Variants in CERS4 observed in about 807,000 individuals in gnomAD.
The protein encoded by CERS4 is ceramide synthase 4, also known as LAG1 homolog, ceramide synthase 4.
A neutral mutation model predicts 51.8 loss-of-function variants in CERS4; 65 were observed. That is an observed-to-expected ratio of 1.26 (90% CI 1.03 to 1.54). The LOEUF (loss-of-function observed/expected upper bound fraction) is 1.54, where lower values mean the gene tolerates loss of function less well. Ranked by LOEUF, CERS4 falls within the 40% of genes most tolerant of loss-of-function variation. CERS4 has a pLI of 0.00. For synonymous variants in CERS4, 228 were observed against 208.4 expected (o/e 1.09, Z -0.81); for missense variants, 563 against 500.4 (o/e 1.13, Z -1.19).
At chr19:8,224,541 G>A (rs989498154) in intron 2 of CERS4, among the ~76,000 whole-genome samples, 1 of 152,162 alleles carries the variant, frequency 6.6e-6, no homozygotes, top group African/African-American at 2.4e-5. Context: ...CTGTTGAACA[G>A]AGTCGTGAAG....
chr19:8,259,760 T>C (rs1969581373), intron 10 of CERS4, among the ~76,000 whole-genome samples: 1 of 152,004 alleles, frequency 6.6e-6, no homozygotes, highest in African/African-American at 2.4e-5. Flanking sequence ...TCTGGGCTTC[T>C]GGGGAAAGAG....
intron 2 of CERS4, 184 bp from the exon 3 acceptor site, chr19:8,250,892 G>T: frequency 7.0e-7 from 1 of 1,424,680 alleles, no homozygotes; most frequent in East Asian, 2.6e-5. Context: ...TGGCTCTTCT[G>T]GGACCAGAGG....
At chr19:8,211,550 A>G (rs1967084433) in intron 2 of CERS4, among the ~76,000 whole-genome samples, 1 of 152,242 alleles carries the variant, frequency 6.6e-6, no homozygotes, top group Non-Finnish European at 1.5e-5. Context: ...CGTGCTAAAC[A>G]GGCTATTAAA....
chr19:8,254,134 AAC>A (rs1393722096), intron 3 of CERS4, among the ~76,000 whole-genome samples: 3 of 151,624 alleles, frequency 2.0e-5, no homozygotes, highest in African/African-American at 7.3e-5. Context: ...CATCCTGGCT[AAC>A]ACAGTGAAAC....
chr19:8,233,737 G>T (rs1968117146), intron 2 of CERS4, among the ~76,000 whole-genome samples: 1 of 152,010 alleles, frequency 6.6e-6, no homozygotes, highest in Non-Finnish European at 1.5e-5. Context: ...GTGGGGCCGG[G>T]CGCGGTGGCT....
chr19:8,232,674 T>C (rs934990373), intron 2 of CERS4, among the ~76,000 whole-genome samples: 13 of 152,058 alleles, frequency 8.5e-5, no homozygotes, highest in African/African-American at 1.7e-4. Flanking sequence ...CTATTGAGTA[T>C]ACAAATGTTG....
Position 8,251,176 on chromosome 19 carries a change from C to T in CERS4, c.100C>T (p.Pro34Ser). 6.2e-7 allele frequency: 1 copy of T among 1,613,574 alleles called. No homozygotes were observed. Among genetic ancestry groups the T allele is most frequent in the South Asian group, 1.1e-5 (1 of 90,882 alleles). Residue 34 changes from proline to serine, a missense_variant, in exon 3 of 12, where the codon CCC becomes TCC. By Grantham distance (74) the Pro-to-Ser change is moderately conservative (BLOSUM62 -1). Coordinates refer to ENST00000251363, the MANE Select transcript of CERS4 (RefSeq NM_024552.3). ...AGAAGACCGGGATGGCCGTGTCTAC[C>T]CCCACCCCCAGGACTTGTTGGCAGC... ...ELEDRDGRVY[P>S]HPQDLLAALP...
chr19:8,254,656 T>TG (rs1377478050), intron 4 of CERS4, 40 bp downstream of exon 4: 6 of 1,544,478 alleles, frequency 3.9e-6, no homozygotes, highest in African/African-American at 1.4e-5. Flanking sequence ...ACTACTGCCC[T>TG]GGGGGTGGGG....
chr19:8,259,835 G>C (rs1213721129), intron 10 of CERS4, among the ~76,000 whole-genome samples: 1 of 152,130 alleles, frequency 6.6e-6, no homozygotes, highest in Non-Finnish European at 1.5e-5. Flanking sequence ...GCATCACCTA[G>C]GGACCAGGTA....
At chr19:8,242,280 G>A (rs1279467716) in intron 2 of CERS4, among the ~76,000 whole-genome samples, 3 of 152,206 alleles carry the variant, frequency 2.0e-5, no homozygotes, top group Non-Finnish European at 4.4e-5. Flanking sequence ...ACGAGACAGA[G>A]ACAGGTTGGT....
chr19:8,260,369 A>T (rs1417781063), intron 10 of CERS4, among the ~76,000 whole-genome samples: 5 of 139,070 alleles, frequency 3.6e-5, no homozygotes, highest in Non-Finnish European at 4.6e-5. Flanking sequence ...TAATTTTTGT[A>T]TTTTTTTTTT....
rs945829522 is a variant in CERS4, at chr19:8,262,279, C to G, written c.*170C>G. The G allele has an allele frequency of 4.9e-6, 3 of 610,386 alleles. No individual in the cohort carries two copies. The highest frequency in any genetic ancestry group is 7.5e-6 in the Non-Finnish European group (3 of 402,204). The allele number at this position is 610,386 out of a possible 1,614,324, so 37.8% of individuals were successfully genotyped here. On this transcript the variant is annotated 3_prime_UTR_variant, in exon 12 of 12. Coordinates refer to ENST00000251363, the MANE Select transcript of CERS4 (RefSeq NM_024552.3). ...CAGCCCCTTCCTTCTGCCCACCCAC[C>G]CTTCTTCCCTCTGGGCAACTGGACA...
rs779797612 is a variant in CERS4, at chr19:8,251,138, C to T, written c.62C>T (p.Thr21Met). 70 of 1,612,762 alleles carry T rather than the reference C, an allele frequency of 4.3e-5. No individual in the cohort carries two copies. Among genetic ancestry groups the T allele is most frequent in the Non-Finnish European group, 5.7e-5 (67 of 1,179,572 alleles). ...AGGTTCTGGTTACCACCCAATGTCA[C>T]GTGGACAGAGCTAGAAGACCGGGAT... Reference protein sequence around the residue: ...QDRFWLPPNVTWTELEDRDGR... With the variant: ...QDRFWLPPNVMWTELEDRDGR... Residue 21 changes from threonine to methionine, a missense_variant, in exon 3 of 12, where the codon ACG becomes ATG. By Grantham distance (81) the Thr-to-Met change is moderately conservative. Transcript: ENST00000251363.
intron 2 of CERS4, among the ~76,000 whole-genome samples, chr19:8,234,496 T>A (rs187938400): frequency 1.5e-3 from 233 of 150,694 alleles, no homozygotes; most frequent in African/African-American, 5.5e-3. Context: ...ACTTTACCCA[T>A]TCAATTTTAA....
chr19:8,261,376 G>T (rs944802139), intron 10 of CERS4: 6 of 361,188 alleles, frequency 1.7e-5, no homozygotes, highest in African/African-American at 1.0e-4. Context: ...GGTGATGGGG[G>T]TCTGAGGAGT....
chr19:8,228,749 C>A (rs904954634), intron 2 of CERS4, among the ~76,000 whole-genome samples: 2 of 151,498 alleles, frequency 1.3e-5, no homozygotes, highest in African/African-American at 4.9e-5. Context: ...GAAGGCCGAT[C>A]ATGGTGGCTC....
intron 6 of CERS4, 43 bp downstream of exon 6, chr19:8,255,922 C>T (rs1449669533): frequency 1.9e-6 from 3 of 1,601,368 alleles, no homozygotes; most frequent in African/African-American, 2.7e-5. Context: ...CTGCCCCATC[C>T]ACCTGGCCTA....
intron 2 of CERS4, among the ~76,000 whole-genome samples, chr19:8,226,590 C>T (rs1281706102): frequency 6.6e-6 from 1 of 152,148 alleles, no homozygotes; most frequent in African/African-American, 2.4e-5. Flanking sequence ...GGGACATCAC[C>T]AAAGGGGCTG....
chr19:8,212,105 A>C (rs184092631), intron 2 of CERS4, among the ~76,000 whole-genome samples: 1,725 of 152,142 alleles, frequency 0.011, 23 homozygotes, highest in Non-Finnish European at 0.016. Context: ...TGGATGAAAC[A>C]ACCACAAAGC....
Sources: gnomAD v4.1 joint callset for allele counts (sites outside exome capture counted in the v4.1 genomes callset) on GRCh38, gnomAD v4.1.1 for gene constraint, MANE v1.5 for transcripts, NCBI Gene and HGNC (gene_info 2026-07-23, HGNC 2026-07-21) for gene names.